Variants in FSTL5 observed in about 807,000 individuals in gnomAD.
The protein encoded by FSTL5 is follistatin-related protein 5.
In FSTL5, 62 loss-of-function variants were observed where a neutral mutation model predicts 89.1. That is an observed-to-expected ratio of 0.70 (90% CI 0.57 to 0.86). FSTL5 has a LOEUF of 0.86. FSTL5 is among the 40% of genes least tolerant of loss of function. FSTL5 has a pLI of 0.00. For synonymous variants in FSTL5, 383 were observed against 346.2 expected (o/e 1.11, Z -1.18); for missense variants, 1,057 against 1,001.6 (o/e 1.06, Z -0.75).
chr4:161,761,272 T>C (rs1579073539), intron 5 of FSTL5, among the ~76,000 whole-genome samples: 1 of 152,178 alleles, frequency 6.6e-6, no homozygotes, highest in East Asian at 1.9e-4. Context: ...ATACATATAT[T>C]ACAATTTTTC....
intron 1 of FSTL5, among the ~76,000 whole-genome samples, chr4:162,146,509 A>G (rs1254911930): frequency 2.0e-5 from 3 of 152,150 alleles, no homozygotes; most frequent in Non-Finnish European, 2.9e-5. Context: ...CATATACTAT[A>G]TATCAGTTAT....
chr4:161,585,811 C>T (rs34224229), intron 8 of FSTL5, among the ~76,000 whole-genome samples: 16,579 of 152,116 alleles, frequency 0.11, 1,238 homozygotes, highest in Non-Finnish European at 0.17. Flanking sequence ...ACTTGTCCTA[C>T]CCTCTCAAGA....
chr4:161,759,556 C>A, intron 5 of FSTL5, 25 bp from the exon 6 acceptor site: 1 of 1,403,476 alleles, frequency 7.1e-7, no homozygotes, highest in East Asian at 2.5e-5. Context: ...ATAAACCATA[C>A]CTTTAGATTT....
chr4:161,856,952 G>C (rs1311439176), intron 4 of FSTL5, among the ~76,000 whole-genome samples: 1 of 152,084 alleles, frequency 6.6e-6, no homozygotes, highest in South Asian at 2.1e-4. Flanking sequence ...GCTAGTTTGA[G>C]TAATGCAGAG....
intron 3 of FSTL5, among the ~76,000 whole-genome samples, chr4:161,971,926 G>A (rs1443194423): frequency 6.6e-6 from 1 of 151,944 alleles, no homozygotes; most frequent in Non-Finnish European, 1.5e-5. Flanking sequence ...TATCTCAAAT[G>A]TCCACCAACT....
intron 3 of FSTL5, among the ~76,000 whole-genome samples, chr4:161,986,460 G>A (rs1735966017): frequency 6.6e-6 from 1 of 152,118 alleles, no homozygotes; most frequent in African/African-American, 2.4e-5. Flanking sequence ...GCTGAGGCAG[G>A]AGAATCGCTT....
At chr4:161,881,578 T>G (rs1225662925) in intron 4 of FSTL5, among the ~76,000 whole-genome samples, 1 of 152,100 alleles carries the variant, frequency 6.6e-6, no homozygotes, top group African/African-American at 2.4e-5. Context: ...TTTTGCTGAT[T>G]GTTATTTTTC....
chr4:161,543,680 A>T (rs1045356051), intron 8 of FSTL5, among the ~76,000 whole-genome samples: 4 of 152,038 alleles, frequency 2.6e-5, no homozygotes, highest in African/African-American at 9.7e-5. Flanking sequence ...TTTCCCAATT[A>T]TTCTGGGACA....
chr4:161,767,439 G>A (rs777012917), intron 5 of FSTL5, among the ~76,000 whole-genome samples: 1 of 152,118 alleles, frequency 6.6e-6, no homozygotes, highest in Non-Finnish European at 1.5e-5. Flanking sequence ...TCTCTGAGAC[G>A]TACATTGTAA....
At position 161,730,578 on chromosome 4, in the gene FSTL5, T is replaced by TG. The variant is rs113927527; in HGVS notation, c.727+28832dup. On this transcript the variant is annotated intron_variant, in intron 6 of 15. Transcript: ENST00000306100. ...CAGTAAATGGCCTCTACTCTTCATA[T>TG]GAAAAGCTAGTACAGAACATTTGCT... 9.8e-3 allele frequency among the ~76,000 whole-genome samples: 1,491 copies of TG among 152,306 alleles called. 24 individuals are homozygous for TG. The highest frequency in any genetic ancestry group is 0.033 in the African/African-American group (1,380 of 41,568).
intron 4 of FSTL5, among the ~76,000 whole-genome samples, chr4:161,796,298 G>T (rs558726262): frequency 6.6e-6 from 1 of 151,822 alleles, no homozygotes; most frequent in East Asian, 1.9e-4. Context: ...TTCTCAAACA[G>T]AAAGATGAAT....
chr4:162,079,751 A>G (rs952862700), intron 2 of FSTL5, among the ~76,000 whole-genome samples: 2 of 151,518 alleles, frequency 1.3e-5, no homozygotes, highest in Non-Finnish European at 3.0e-5. Context: ...AAAATGAAAT[A>G]GAAGAAAAAA....
chr4:162,008,207 T>C (rs1436902650), intron 3 of FSTL5, among the ~76,000 whole-genome samples: 1 of 151,842 alleles, frequency 6.6e-6, no homozygotes, highest in Non-Finnish European at 1.5e-5. Context: ...AGAGAACAAG[T>C]CTTGCCAACA....
In FSTL5 at chr4:161,823,393, T is replaced by G. The variant is rs374059843; in HGVS notation, c.410-47319A>C. Among the ~76,000 whole-genome samples, 11 of 152,262 alleles carry G rather than the reference T, an allele frequency of 7.2e-5. No individual in the cohort carries two copies. The East Asian group carries it at 1.4e-3, about 19-fold the overall frequency. ...CCCTCCCTCGTCAATGCCAAAAGTT[T>G]CAGAGGGGACTGAGACAGCAGTGGG... On this transcript the variant is annotated intron_variant, in intron 4 of 15. Transcript: ENST00000306100.
chr4:161,992,285 G>A (rs547735319), intron 3 of FSTL5, among the ~76,000 whole-genome samples: 23 of 152,256 alleles, frequency 1.5e-4, no homozygotes, highest in African/African-American at 5.3e-4. Context: ...GAAACTACAT[G>A]GGATATTCTT....
intron 12 of FSTL5, among the ~76,000 whole-genome samples, chr4:161,482,166 A>T (rs1290367898): frequency 6.6e-6 from 1 of 152,010 alleles, no homozygotes; most frequent in African/African-American, 2.4e-5. Flanking sequence ...ATACAAAAAA[A>T]TTAGCTGGGC....
chr4:161,485,379 G>A (rs534453140), intron 12 of FSTL5, among the ~76,000 whole-genome samples: 3 of 152,262 alleles, frequency 2.0e-5, no homozygotes, highest in Admixed American at 2.0e-4. Context: ...CATCCATTCT[G>A]ATTGCCTAAT....
chr4:161,964,673 C>A lies in FSTL5; in HGVS notation c.161-44021G>T, dbSNP rs17640029. On this transcript the variant is annotated intron_variant, in intron 3 of 15. Coordinates refer to ENST00000306100, the MANE Select transcript of FSTL5 (RefSeq NM_020116.5). ...ATGGTGTTCTTTCATGAAAACAGGTCGTATTTAATTTATAATGTTTGCTTC... is the reference window on the plus strand; with the variant it reads ...ATGGTGTTCTTTCATGAAAACAGGTAGTATTTAATTTATAATGTTTGCTTC... Among the ~76,000 whole-genome samples, 263 of 151,884 alleles carry A rather than the reference C, an allele frequency of 1.7e-3. 7 individuals carry two copies. The East Asian group carries it at 0.042, about 24-fold the overall frequency.
chr4:161,915,258 T>C (rs1484462364), intron 4 of FSTL5, among the ~76,000 whole-genome samples: 1 of 152,044 alleles, frequency 6.6e-6, no homozygotes, highest in African/African-American at 2.4e-5. Context: ...TTATCACTAG[T>C]CCTGCTGGCA....
Sources: gnomAD v4.1 joint callset for allele counts (sites outside exome capture counted in the v4.1 genomes callset) on GRCh38, gnomAD v4.1.1 for gene constraint, MANE v1.5 for transcripts, NCBI Gene and HGNC (gene_info 2026-07-23, HGNC 2026-07-21) for gene names.